The following CDH26 variants were observed in gnomAD, a reference collection of about 807,000 sequenced individuals.
The protein encoded by CDH26 is cadherin-like protein 26.
Under a neutral mutation model 90.3 loss-of-function variants are expected in CDH26, and 83 were observed. The observed-to-expected ratio is 0.92, with a 90% CI of 0.77 to 1.10. CDH26 has a LOEUF of 1.10. Ranked by LOEUF, CDH26 falls within the 50% of genes least tolerant of loss-of-function variation. The pLI is 0.00. For synonymous variants in CDH26, 397 were observed against 396.3 expected (o/e 1.00, Z -0.02); for missense variants, 1,013 against 1,037.6 (o/e 0.98, Z 0.33).
chr20:60,018,619 C>T (rs1456854123), downstream of CDH26, among the ~76,000 whole-genome samples: 1 of 148,594 alleles, frequency 6.7e-6, no homozygotes, highest in Non-Finnish European at 1.5e-5. Context: ...TAAGTGAGGG[C>T]TTACTCCTGT....
In CDH26 at chr20:59,994,337, GC is replaced by G; in HGVS notation, c.1515del (p.Tyr506ThrfsTer57). 6.2e-7 allele frequency: 1 copy of G among 1,613,868 alleles called. No homozygotes were observed. On this transcript the variant is annotated frameshift_variant, in exon 11 of 18. Coordinates refer to ENST00000348616, the MANE Select transcript of CDH26 (RefSeq NM_177980.4). LOFTEE classifies it high-confidence loss of function. ...GTCCCGACTCTCCGGCCACGTTCCC[GC>G]TACATGGAGGTCTGTGAGTCTGCTG... ...DNVPTLRPRS[R>X]YMEVCESAVH...
At chr20:59,978,009 A>G (rs1410461339) in intron 4 of CDH26, among the ~76,000 whole-genome samples, 2 of 152,202 alleles carry the variant, frequency 1.3e-5, no homozygotes, top group Non-Finnish European at 2.9e-5. Flanking sequence ...TATAGTTGGA[A>G]TCATACACTA....
chr20:60,024,456 C>T (rs2061981498), intron 7 of CDH26, among the ~76,000 whole-genome samples: 1 of 152,232 alleles, frequency 6.6e-6, no homozygotes, highest in Non-Finnish European at 1.5e-5. Flanking sequence ...TTAGTCACAG[C>T]TCTTCTGTTC....
At chr20:60,000,702 T>G (rs1236208786) in intron 14 of CDH26, among the ~76,000 whole-genome samples, 2 of 152,200 alleles carry the variant, frequency 1.3e-5, no homozygotes, top group Non-Finnish European at 2.9e-5. Context: ...GCCTCCACCT[T>G]CTAGGTTTTG....
In CDH26 at chr20:59,987,306, A is replaced by C. The variant is rs77226103; in HGVS notation, c.838-147A>C. ...TTAGGGCAGGTTTAGCAGCATGAGG[A>C]ATATCCAGGGTGTTGTGATGAGGAG... On this transcript the variant is annotated intron_variant, in intron 7 of 17. Coordinates refer to ENST00000348616, the MANE Select transcript of CDH26 (RefSeq NM_177980.4). 3,598 of 636,166 alleles carry C rather than the reference A, an allele frequency of 5.7e-3. 91 individuals are homozygous for C. The highest frequency in any genetic ancestry group is 0.054 in the African/African-American group (2,868 of 53,490). 39.4% of individuals were successfully genotyped at this position (636,166 alleles called of 1,614,324 possible).
chr20:60,017,794 G>C (rs112823207), downstream of CDH26, among the ~76,000 whole-genome samples: 1 of 151,838 alleles, frequency 6.6e-6, no homozygotes, highest in Non-Finnish European at 1.5e-5. Flanking sequence ...ATAGATTTTG[G>C]TGTGCTGTGT....
At position 59,994,147 on chromosome 20, in the gene CDH26, A is replaced by G. The variant is rs1003811307; in HGVS notation, c.1427-103A>G. On this transcript the variant is annotated intron_variant, in intron 10 of 17. Coordinates refer to ENST00000348616, the MANE Select transcript of CDH26 (RefSeq NM_177980.4). ...ATGACGTTGAAAGGGAAACAGTTCCAGTATTTCAGGAATATTTTTTTTCTG... is the reference window on the plus strand; with the variant it reads ...ATGACGTTGAAAGGGAAACAGTTCCGGTATTTCAGGAATATTTTTTTTCTG... The G allele has an allele frequency of 4.2e-6, 6 of 1,427,566 alleles. No homozygotes were observed. In the African/African-American group the frequency reaches 7.1e-5, roughly 17 times the overall value. 88.4% of individuals were successfully genotyped at this position (1,427,566 alleles called of 1,614,324 possible).
In CDH26 at chr20:59,970,116, G is replaced by C; in HGVS notation, c.161G>C (p.Arg54Thr). The change falls in exon 3 of 18, where the codon AGA (arginine) becomes ACA (threonine). Residue 54 changes from arginine (R) to threonine (T), a missense_variant. Transcript: ENST00000348616. The stretch of plus-strand genomic sequence containing the variant: ...TACCAGCCTCTACGGCGATCCAAGA[G>C]AAGATGGGTTATCACCACCTTGGAG... ...KIYQPLRRSK[R>T]RWVITTLELE... 9.9e-6 allele frequency: 16 copies of C among 1,614,066 alleles called. No individual in the cohort carries two copies. Among genetic ancestry groups the C allele is most frequent in the Non-Finnish European group, 1.4e-5 (16 of 1,179,970 alleles).
intron 5 of CDH26, among the ~76,000 whole-genome samples, 196 bp downstream of exon 5, chr20:59,983,266 T>G (rs2061416450): frequency 1.3e-5 from 2 of 152,162 alleles, no homozygotes; most frequent in Admixed American, 1.3e-4. Context: ...AATAAAATGA[T>G]GTGGGAATTA....
chr20:59,992,649 C>T lies in CDH26; in HGVS notation c.1426+129C>T, dbSNP rs576988446. 9.1e-6 allele frequency: 8 copies of T among 882,866 alleles called. No homozygotes were observed. The East Asian group carries it at 2.0e-4, about 23-fold the overall frequency. 54.7% of individuals were successfully genotyped at this position (882,866 alleles called of 1,614,324 possible). The stretch of plus-strand genomic sequence containing the variant: ...ATAAACCTTGTTATCACTCTGCATC[C>T]ATGCTGGTGATTATTTTTGGTAATA... On this transcript the variant is annotated intron_variant, in intron 10 of 17. Transcript: ENST00000348616. The surrounding 1 kb of genome is among the most constrained non-coding windows in gnomAD (Gnocchi z 5.0).
intron 4 of CDH26, among the ~76,000 whole-genome samples, chr20:59,978,443 T>G (rs1359371613): frequency 1.3e-5 from 2 of 151,812 alleles, no homozygotes; most frequent in Non-Finnish European, 2.9e-5. Context: ...TGGGGTGATC[T>G]CGGCTCACTG....
intron 8 of CDH26, among the ~76,000 whole-genome samples, chr20:60,032,491 C>A (rs563639422): frequency 6.6e-6 from 1 of 152,074 alleles, no homozygotes; most frequent in Non-Finnish European, 1.5e-5. Flanking sequence ...GATGGAATTA[C>A]GAAGAACTTG....
chr20:59,967,813 ATTTC>A (rs1204879152), intron 1 of CDH26, among the ~76,000 whole-genome samples: 5,088 of 43,586 alleles, frequency 0.12, 447 homozygotes, highest in Non-Finnish European at 0.15. Flanking sequence ...TCCCTCCCTC[ATTTC>A]TTTCTTTCTT....
At position 60,030,212 on chromosome 20, in the gene CDH26, C is replaced by T. The variant is rs2122799826; in HGVS notation, c.948-1019C>T. 6.6e-6 allele frequency among the ~76,000 whole-genome samples: 1 copy of T among 152,296 alleles called. No individual in the cohort carries two copies. The highest frequency in any genetic ancestry group is 2.4e-5 in the African/African-American group (1 of 41,570). Reference sequence around the variant, plus strand: ...GCTCTGCTACCTTTTTGCTGGGTGACTTCCCCAGTCTGGGCCTGTGTCTAT... The same window carrying T: ...GCTCTGCTACCTTTTTGCTGGGTGATTTCCCCAGTCTGGGCCTGTGTCTAT... On this transcript the variant is annotated intron_variant, in intron 7 of 8. Transcript: ENST00000370991. The surrounding 1 kb of genome is among the most constrained non-coding windows in gnomAD (Gnocchi z 4.0).
At position 60,032,499 on chromosome 20, in the gene CDH26, T is replaced by C. The variant is rs549725321; in HGVS notation, c.1144-987T>C. Among the ~76,000 whole-genome samples the C allele has an allele frequency of 2.0e-5, 3 of 152,266 alleles. No individual in the cohort carries two copies. The South Asian group carries it at 6.2e-4, about 32-fold the overall frequency. ...TTTAGATGATGGAATTACGAAGAAC[T>C]TGAATGTGGGCCTAACATAAATCAT... On this transcript the variant is annotated intron_variant, in intron 8 of 8. Transcript: ENST00000370991.
In CDH26 at chr20:60,001,357, G is replaced by A. The variant is rs780605678; in HGVS notation, c.2112G>A (p.Val704=). Residue 704 remains valine, a synonymous_variant, in exon 15 of 18, where the codon GTG becomes GTA. Transcript: ENST00000348616. ...PTQGVKDLEE[V]PPSAASQSAQ... ...TTTCCCTCTAGGATCTCGAGGAAGT[G>A]CCTCCATCTGCAGCGAGTCAGTCAG... 2 of 1,613,990 alleles carry A rather than the reference G, an allele frequency of 1.2e-6. No homozygotes were observed. The highest frequency in any genetic ancestry group is 1.7e-6 in the Non-Finnish European group (2 of 1,180,020).
chr20:59,999,745 T>G, intron 14 of CDH26, 82 bp downstream of exon 14: 2 of 1,289,502 alleles, frequency 1.6e-6, no homozygotes, highest in Non-Finnish European at 2.2e-6. Context: ...CCTGGGATGC[T>G]CCTCCCAGTG....
chr20:60,022,255 G>A (rs766712), intron 7 of CDH26, among the ~76,000 whole-genome samples: 56,235 of 151,954 alleles, frequency 0.37, 11,315 homozygotes, highest in Non-Finnish European at 0.44. Flanking sequence ...TCTTGCTAAC[G>A]GCAATGAATA....
intron 7 of CDH26, among the ~76,000 whole-genome samples, chr20:60,020,849 A>T (rs1357925758): frequency 6.6e-6 from 1 of 152,062 alleles, no homozygotes; most frequent in Non-Finnish European, 1.5e-5. Flanking sequence ...GGACTGTGGG[A>T]GTCTTGTATG....
Sources: allele counts gnomAD v4.1 joint callset (sites outside exome capture counted in the v4.1 genomes callset), GRCh38; gene constraint gnomAD v4.1.1; non-coding constraint Gnocchi (gnomAD v3.1); transcripts MANE v1.5; gene names NCBI Gene and HGNC (gene_info 2026-07-23, HGNC 2026-07-21).